FIP1L1: variants seen among roughly 807,000 people sequenced by gnomAD.
The protein encoded by FIP1L1 is pre-mRNA 3'-end-processing factor FIP1.
Under a neutral mutation model 84.6 loss-of-function variants are expected in FIP1L1, and 21 were observed. The observed-to-expected ratio is 0.25, with a 90% CI of 0.18 to 0.36. The LOEUF is 0.36. Among genes scored for constraint, FIP1L1 ranks in the 10% least tolerant of loss-of-function variants. FIP1L1 has a pLI of 1.00. For missense variants in FIP1L1, 526 were observed against 751.1 expected (o/e 0.70, Z 3.50); for synonymous variants, 263 against 242.3 (o/e 1.09, Z -0.80).
rs1180752262 is a variant in FIP1L1 at position 53,460,076 on chromosome 4, TGTA to T, written c.*630_*632del. 2.0e-5 allele frequency: 4 copies of T among 199,452 alleles called. No individual in the cohort carries two copies. The East Asian group carries it at 3.1e-4, about 15-fold the overall frequency. 12.4% of individuals were successfully genotyped at this position (199,452 alleles called of 1,614,324 possible). ...AAATAAATTAATTAATTACCCATAG[TGTA>T]GTTTCTAGGAGGCATGTGTACACAC... is the stretch of plus-strand genomic sequence containing the variant. On this transcript the variant is annotated 3_prime_UTR_variant, in exon 18 of 18. Transcript: ENST00000337488.
Position 53,391,103 on chromosome 4 carries a change from A to G in FIP1L1, c.600A>G (p.Glu200=). The G allele has an allele frequency of 6.2e-7, 1 of 1,611,686 alleles. No individual in the cohort carries two copies. The highest frequency in any genetic ancestry group is 8.5e-7 in the Non-Finnish European group (1 of 1,179,068). The part of the protein sequence containing the change: ...EKQKRIRMGL[E]VIPVTSTTNK... Reference sequence around the variant, plus strand: ...AAAAGAGGATACGAATGGGACTTGAAGTTATACCAGTAACCTCTACTACAA... The same window carrying G: ...AAAAGAGGATACGAATGGGACTTGAGGTTATACCAGTAACCTCTACTACAA... Residue 200 remains glutamate, a synonymous_variant, in exon 8 of 18, where the codon GAA becomes GAG. Transcript: ENST00000337488.
At chr4:53,387,299 AG>A (rs1174669115) in intron 5 of FIP1L1, among the ~76,000 whole-genome samples, 3 of 152,206 alleles carry the variant, frequency 2.0e-5, no homozygotes, top group African/African-American at 7.2e-5. Flanking sequence ...CCTGTCTCAA[AG>A]AATAAATAGA....
At chr4:53,440,528 A>G (rs377431724) in intron 13 of FIP1L1, 2 of 1,167,742 alleles carry the variant, frequency 1.7e-6, no homozygotes. Context: ...GCATAAATAC[A>G]TAACAGGTTC....
At chr4:53,430,208 G>A (rs993601979) in intron 13 of FIP1L1, among the ~76,000 whole-genome samples, 6 of 151,984 alleles carry the variant, frequency 3.9e-5, no homozygotes, top group African/African-American at 1.5e-4. Flanking sequence ...GAGTTGGTAT[G>A]AATTAATGAC....
intron 1 of FIP1L1, chr4:53,378,469 T>A (rs1735920026): frequency 1.3e-5 from 2 of 152,308 alleles, no homozygotes; most frequent in South Asian, 2.1e-4. Flanking sequence ...AATAATTAAT[T>A]AAGAGAGAGA....
chr4:53,411,663 A>T (rs1757283879), intron 10 of FIP1L1, among the ~76,000 whole-genome samples: 1 of 152,178 alleles, frequency 6.6e-6, no homozygotes, highest in Non-Finnish European at 1.5e-5. Context: ...TCCATTGTTT[A>T]CAATCTTAGA....
intron 15 of FIP1L1, among the ~76,000 whole-genome samples, chr4:53,444,602 A>G (rs542315219): frequency 3.9e-5 from 6 of 152,032 alleles, no homozygotes; most frequent in East Asian, 1.9e-4. Flanking sequence ...GCATTGTACT[A>G]ATTTTTTTTT....
intron 16 of FIP1L1, among the ~76,000 whole-genome samples, chr4:53,454,492 GAGA>G (rs1717870324): frequency 6.6e-6 from 1 of 152,144 alleles, no homozygotes; most frequent in South Asian, 2.1e-4. Flanking sequence ...ATCCTTTAAT[GAGA>G]AGGAGGAGCT....
chr4:53,387,667 G>C (rs1741838348), intron 5 of FIP1L1, among the ~76,000 whole-genome samples: 1 of 152,198 alleles, frequency 6.6e-6, no homozygotes, highest in African/African-American at 2.4e-5. Context: ...AAAGTAGCTA[G>C]GTGGAAAGCG....
chr4:53,381,205 A>G (rs1157016151), intron 3 of FIP1L1, among the ~76,000 whole-genome samples: 1 of 152,190 alleles, frequency 6.6e-6, no homozygotes, highest in Non-Finnish European at 1.5e-5. Flanking sequence ...AAAACTTCCA[A>G]AAGAGTAGGC....
At chr4:53,407,074 C>T (rs974143938) in intron 10 of FIP1L1, among the ~76,000 whole-genome samples, 2 of 152,106 alleles carry the variant, frequency 1.3e-5, no homozygotes, top group African/African-American at 4.8e-5. Context: ...TTTGCTCTTG[C>T]TTCTCTAGTT....
At chr4:53,440,222 T>C (rs191121837) in intron 13 of FIP1L1, among the ~76,000 whole-genome samples, 1 of 152,186 alleles carries the variant, frequency 6.6e-6, no homozygotes, top group East Asian at 1.9e-4. Flanking sequence ...GATCAGTTTT[T>C]CTATTAAAAT....
chr4:53,441,235 C>G (rs1473202504), intron 13 of FIP1L1, among the ~76,000 whole-genome samples: 1 of 151,716 alleles, frequency 6.6e-6, no homozygotes, highest in Non-Finnish European at 1.5e-5. Flanking sequence ...GCAAGTGTGT[C>G]TTCCTGAGTT....
At chr4:53,410,759 G>T (rs544424103) in intron 10 of FIP1L1, among the ~76,000 whole-genome samples, 2 of 152,052 alleles carry the variant, frequency 1.3e-5, no homozygotes, top group East Asian at 3.8e-4. Context: ...TGCAAAAACC[G>T]CAATTACTTT....
At chr4:53,400,684 A>G (rs376313517) in intron 10 of FIP1L1, among the ~76,000 whole-genome samples, 10 of 152,322 alleles carry the variant, frequency 6.6e-5, no homozygotes, top group African/African-American at 2.2e-4. Flanking sequence ...TTATAGTGGC[A>G]TCTAGTCTAG....
Position 53,444,050 on chromosome 4 carries a change from G to A in FIP1L1, c.1232G>A (p.Gly411Glu). 6.2e-7 allele frequency: 1 copy of A among 1,603,512 alleles called. No individual in the cohort carries two copies. The highest frequency in any genetic ancestry group is 1.1e-5 in the South Asian group (1 of 90,604). The change falls in exon 15 of 18, where the codon GGA becomes GAA. Residue 411 changes from glycine (G) to glutamate (E), a missense_variant and splice_region_variant. Around this residue, in one of 6 missense-constraint regions of FIP1L1, gnomAD observed 83 missense variants for 93.8 expected, o/e 0.88. Coordinates refer to ENST00000337488, the MANE Select transcript of FIP1L1 (RefSeq NM_030917.4). Reference sequence around the variant, plus strand: ...AAATATATCTTTTTCTTCAACAGTGGACATTCCTCTGGTTATGATAGTCGT... The same window carrying A: ...AAATATATCTTTTTCTTCAACAGTGAACATTCCTCTGGTTATGATAGTCGT... ...PPSLIPTIES[G>E]HSSGYDSRSA...
At chr4:53,445,483 C>A (rs766510390) in intron 15 of FIP1L1, among the ~76,000 whole-genome samples, 73 of 152,138 alleles carry the variant, frequency 4.8e-4, no homozygotes, top group Non-Finnish European at 8.5e-4. Context: ...TGGGAAATAA[C>A]CAGGGAATGA....
chr4:53,420,006 A>G (rs1178030211), intron 11 of FIP1L1, among the ~76,000 whole-genome samples: 1 of 151,742 alleles, frequency 6.6e-6, no homozygotes, highest in African/African-American at 2.4e-5. Flanking sequence ...CAGGAGATCG[A>G]GACCACGGTG....
chr4:53,432,457 T>G (rs371437180), intron 13 of FIP1L1, among the ~76,000 whole-genome samples: 12 of 151,522 alleles, frequency 7.9e-5, no homozygotes, highest in African/African-American at 2.9e-4. Context: ...ATTTAGTTCT[T>G]CTATAATATC....
Sources: allele counts gnomAD v4.1 joint callset (sites outside exome capture counted in the v4.1 genomes callset), GRCh38; gene constraint gnomAD v4.1.1; regional missense constraint gnomAD v4.1.1; transcripts MANE v1.5; gene names NCBI Gene and HGNC (gene_info 2026-07-23, HGNC 2026-07-21).